Variants in LHFPL3 observed in about 807,000 individuals in gnomAD.
The protein encoded by LHFPL3 is LHFPL tetraspan subfamily member 3 protein.
In LHFPL3, 5 loss-of-function variants were observed where a neutral mutation model predicts 19.3. That is an observed-to-expected ratio of 0.26 (90% CI 0.14 to 0.54). LHFPL3 has a LOEUF of 0.54. Ranked by LOEUF, LHFPL3 falls within the 20% of genes least tolerant of loss-of-function variation. The pLI, the probability that LHFPL3 is intolerant of heterozygous loss-of-function variation, is 0.94. For missense variants in LHFPL3, 249 were observed against 307.4 expected, an observed-to-expected ratio of 0.81 and a Z score of 1.42; for synonymous variants, 133 against 126.2, an observed-to-expected ratio of 1.05 and a Z score of -0.36.
chr7:104,664,579 T>C (rs1005084540), intron 1 of LHFPL3, among the ~76,000 whole-genome samples: 2 of 152,204 alleles, frequency 1.3e-5, no homozygotes, highest in African/African-American at 4.8e-5. Flanking sequence ...TTTTAGGCTT[T>C]GCATGTCCCT....
intron 2 of LHFPL3, among the ~76,000 whole-genome samples, chr7:104,873,348 A>T (rs1051846046): frequency 6.6e-6 from 1 of 152,226 alleles, no homozygotes; most frequent in African/African-American, 2.4e-5. Context: ...TTTAAAAGAT[A>T]AACAGTAGCA....
At chr7:104,373,542 G>A (rs550763515) in intron 1 of LHFPL3, among the ~76,000 whole-genome samples, 2 of 152,280 alleles carry the variant, frequency 1.3e-5, no homozygotes, top group African/African-American at 4.8e-5. Flanking sequence ...CCAAATATGA[G>A]CCCTCAAGAG....
At chr7:104,464,805 G>T (rs1158665261) in intron 1 of LHFPL3, among the ~76,000 whole-genome samples, 1 of 152,174 alleles carries the variant, frequency 6.6e-6, no homozygotes, top group Non-Finnish European at 1.5e-5. Flanking sequence ...GATGAGAGGG[G>T]CTGCTGTGAA....
chr7:104,514,194 CT>C (rs1195902769), intron 1 of LHFPL3, among the ~76,000 whole-genome samples: 8 of 151,788 alleles, frequency 5.3e-5, no homozygotes, highest in Non-Finnish European at 1.2e-4. Context: ...CTCTCTCTCT[CT>C]TTCTTTGTCT....
intron 1 of LHFPL3, among the ~76,000 whole-genome samples, chr7:104,541,923 G>A (rs1333257999): frequency 6.6e-6 from 1 of 151,972 alleles, no homozygotes; most frequent in Non-Finnish European, 1.5e-5. Context: ...TAAAGGAGGA[G>A]GACCCTGGGA....
intron 2 of LHFPL3, among the ~76,000 whole-genome samples, chr7:104,865,169 TCTC>T (rs1791696702): frequency 6.6e-6 from 1 of 151,972 alleles, no homozygotes; most frequent in Non-Finnish European, 1.5e-5. Flanking sequence ...TCAGAGCGCC[TCTC>T]CTCCTCCAAA....
rs542364349 is a variant in LHFPL3 at position 104,592,389 on chromosome 7, C to T, written c.446-144286C>T. Among the ~76,000 whole-genome samples the T allele has an allele frequency of 2.0e-5, 3 of 150,918 alleles. No individual in the cohort carries two copies. The East Asian group carries it at 5.9e-4, about 30-fold the overall frequency. Reference sequence around the variant, plus strand: ...TCTGTTGGAGTTTGCTGGACGTCCACTCCAGACCCTGTTTGCCTGGGTATC... The same window carrying T: ...TCTGTTGGAGTTTGCTGGACGTCCATTCCAGACCCTGTTTGCCTGGGTATC... On this transcript the variant is annotated intron_variant, in intron 1 of 2. Transcript: ENST00000424859.
intron 1 of LHFPL3, among the ~76,000 whole-genome samples, chr7:104,594,170 G>T (rs1790790423): frequency 6.6e-6 from 1 of 152,176 alleles, no homozygotes; most frequent in Non-Finnish European, 1.5e-5. Flanking sequence ...GCAGTGGCTG[G>T]TACTGGTTGT....
intron 1 of LHFPL3, among the ~76,000 whole-genome samples, chr7:104,391,803 C>T (rs1187850957): frequency 6.6e-6 from 1 of 152,174 alleles, no homozygotes; most frequent in Non-Finnish European, 1.5e-5. Context: ...AATACTGATT[C>T]TTCCTATCCA....
In LHFPL3 at chr7:104,540,242, TA is replaced by T. The variant is rs201163668; in HGVS notation, c.446-196423del. Among the ~76,000 whole-genome samples, 29 of 148,014 alleles carry T rather than the reference TA, an allele frequency of 2.0e-4. No homozygotes were observed. The East Asian group carries it at 2.2e-3, about 11-fold the overall frequency. Reference sequence around the variant, plus strand: ...AGCTAAAATCCATGGAGGAAAGTAATAAAAAAAAAACTATAATGTTGAGCAT... The same window carrying T: ...AGCTAAAATCCATGGAGGAAAGTAATAAAAAAAAACTATAATGTTGAGCAT... On this transcript the variant is annotated intron_variant, in intron 1 of 2. Coordinates refer to ENST00000424859, the MANE Select transcript of LHFPL3 (RefSeq NM_199000.3).
At chr7:104,443,667 G>A (rs1159303971) in intron 1 of LHFPL3, among the ~76,000 whole-genome samples, 1 of 152,194 alleles carries the variant, frequency 6.6e-6, no homozygotes, top group Admixed American at 6.5e-5. Context: ...TTGACCCCTG[G>A]TAAGTGGTCG....
intron 1 of LHFPL3, among the ~76,000 whole-genome samples, chr7:104,335,110 G>A (rs142599696): frequency 3.9e-5 from 6 of 152,224 alleles, no homozygotes; most frequent in African/African-American, 1.4e-4. Context: ...CTCTGAAGAG[G>A]GGACAGAACT....
At chr7:104,772,801 G>A (rs916066205) in intron 2 of LHFPL3, among the ~76,000 whole-genome samples, 7 of 152,200 alleles carry the variant, frequency 4.6e-5, no homozygotes, top group African/African-American at 1.7e-4. Context: ...CATGCTCAAT[G>A]GGGAAGACAC....
intron 1 of LHFPL3, among the ~76,000 whole-genome samples, chr7:104,530,104 G>A (rs1289496901): frequency 6.6e-6 from 1 of 152,202 alleles, no homozygotes; most frequent in Non-Finnish European, 1.5e-5. Flanking sequence ...TGTGATGTTT[G>A]AGTGAGGCAT....
intron 1 of LHFPL3, among the ~76,000 whole-genome samples, chr7:104,553,764 C>A (rs1794705193): frequency 1.3e-5 from 2 of 152,188 alleles, no homozygotes; most frequent in Non-Finnish European, 2.9e-5. Flanking sequence ...TTTTGCCATA[C>A]TAACATCCCA....
intron 1 of LHFPL3, among the ~76,000 whole-genome samples, chr7:104,731,796 T>G (rs1584502364): frequency 6.6e-6 from 1 of 151,832 alleles, no homozygotes; most frequent in Non-Finnish European, 1.5e-5. Context: ...ATCCCTGTCT[T>G]GTGCCAGTTT....
intron 1 of LHFPL3, among the ~76,000 whole-genome samples, chr7:104,496,422 A>G (rs1217036028): frequency 6.6e-6 from 1 of 152,190 alleles, no homozygotes; most frequent in Non-Finnish European, 1.5e-5. Flanking sequence ...TAGTGCTGCA[A>G]TAAACATACG....
Position 104,763,740 on chromosome 7 carries a change from G to A in LHFPL3, c.682+26829G>A, listed in dbSNP as rs116247116. Reference sequence around the variant, plus strand: ...TTGCTTCCCCAGCTTCCTGGAAAGGGCAGTAACTTCCTCATTGGACCACTT... The same window carrying A: ...TTGCTTCCCCAGCTTCCTGGAAAGGACAGTAACTTCCTCATTGGACCACTT... On this transcript the variant is annotated intron_variant, in intron 2 of 2. Transcript: ENST00000424859. Among the ~76,000 whole-genome samples the A allele has an allele frequency of 6.9e-3, 1,046 of 152,276 alleles. 7 individuals are homozygous for A. Among genetic ancestry groups the A allele is most frequent in the African/African-American group, 0.023 (945 of 41,556 alleles).
chr7:104,681,771 T>C (rs757163359), intron 1 of LHFPL3, among the ~76,000 whole-genome samples: 1 of 152,234 alleles, frequency 6.6e-6, no homozygotes, highest in Non-Finnish European at 1.5e-5. Flanking sequence ...AAGGACTTTG[T>C]TCCCACAAGT....
Sources: allele counts gnomAD v4.1 joint callset (sites outside exome capture counted in the v4.1 genomes callset), GRCh38; gene constraint gnomAD v4.1.1; transcripts MANE v1.5; gene names NCBI Gene and HGNC (gene_info 2026-07-23, HGNC 2026-07-21).